The following SGO2 variants were observed in gnomAD, a reference collection of about 807,000 sequenced individuals.
SGO2 encodes shugoshin 2, also known as shugoshin-like 2.
A neutral mutation model predicts 99.5 loss-of-function variants in SGO2; 68 were observed. That is an observed-to-expected ratio of 0.68 (90% CI 0.56 to 0.84). The LOEUF (loss-of-function observed/expected upper bound fraction) is 0.84, where lower values mean the gene tolerates loss of function less well. SGO2 is among the 40% of genes least tolerant of loss of function. The pLI is 0.00. For synonymous variants in SGO2, 457 were observed against 487.1 expected, an observed-to-expected ratio of 0.94 and a Z score of 0.81; for missense variants, 1,350 against 1,436.7, an observed-to-expected ratio of 0.94 and a Z score of 0.97.
At chr2:200,563,949 T>G (rs1283272816) in intron 5 of SGO2, among the ~76,000 whole-genome samples, 1 of 152,216 alleles carries the variant, frequency 6.6e-6, no homozygotes. Flanking sequence ...TCTTCTCTCT[T>G]TTCTTCTTTA....
intron 5 of SGO2, among the ~76,000 whole-genome samples, chr2:200,546,506 A>G (rs2106319176): frequency 6.6e-6 from 1 of 152,264 alleles, no homozygotes; most frequent in East Asian, 1.9e-4. Context: ...ACAAGGAGCC[A>G]TGAGCTTCCC....
At chr2:200,552,534 A>T (rs2032536547) in intron 5 of SGO2, among the ~76,000 whole-genome samples, 1 of 152,116 alleles carries the variant, frequency 6.6e-6, no homozygotes, top group African/African-American at 2.4e-5. Flanking sequence ...ATTATTCATG[A>T]GTTTTCTAGG....
intron 4 of SGO2, among the ~76,000 whole-genome samples, chr2:200,541,263 T>G (rs528665904): frequency 9.2e-5 from 14 of 152,242 alleles, no homozygotes; most frequent in Non-Finnish European, 1.8e-4. Flanking sequence ...CAGAGCCATA[T>G]CTCCCCTGTC....
chr2:200,575,355 A>G lies in SGO2; in HGVS notation c.3676A>G (p.Asn1226Asp), dbSNP rs889990675. 5 of 1,607,966 alleles carry G rather than the reference A, an allele frequency of 3.1e-6. No individual in the cohort carries two copies. The highest frequency in any genetic ancestry group is 1.7e-5 in the Admixed American group (1 of 59,764). Residue 1226 changes from asparagine to aspartate, a missense_variant, in exon 8 of 9, where the codon AAT becomes GAT. Physicochemically the swap from Asn to Asp is conservative, Grantham distance 23. Transcript: ENST00000357799. ...QDLSNTSFVS[N>D]NTAESENKSE... Reference sequence around the variant, plus strand: ...CTTGTCAAATACCAGTTTTGTTTCAAATAACACTGCTGAATCTGAAAATAA... The same window carrying G: ...CTTGTCAAATACCAGTTTTGTTTCAGATAACACTGCTGAATCTGAAAATAA...
intron 5 of SGO2, among the ~76,000 whole-genome samples, chr2:200,548,391 A>C (rs1198651468): frequency 2.0e-5 from 3 of 152,182 alleles, no homozygotes; most frequent in Non-Finnish European, 2.9e-5. Context: ...AGAAGCAAGT[A>C]AGAAGGAAAT....
In SGO2 at chr2:200,571,115, T is replaced by G; in HGVS notation, c.769T>G (p.Ser257Ala). The stretch of plus-strand genomic sequence containing the variant: ...AATGAGTGAGATGAGAAACGCCCAG[T>G]CTATTGGCCGCAGATGGGAGAAACC... The part of the protein sequence containing the change: ...SLMSEMRNAQ[S>A]IGRRWEKPSP... Residue 257 changes from serine to alanine, a missense_variant, in exon 7 of 9, where the codon TCT (serine) becomes GCT (alanine). Coordinates refer to ENST00000357799, the MANE Select transcript of SGO2 (RefSeq NM_152524.6). The G allele has an allele frequency of 1.2e-6, 2 of 1,613,316 alleles. No homozygotes were observed. Among genetic ancestry groups the G allele is most frequent in the Non-Finnish European group, 1.7e-6 (2 of 1,179,538 alleles).
rs551063565 is a variant in SGO2, at chr2:200,541,276, G to A, written c.388-1303G>A. Among the ~76,000 whole-genome samples the A allele has an allele frequency of 2.6e-5, 4 of 152,250 alleles. No individual in the cohort carries two copies. The South Asian group carries it at 8.3e-4, about 32-fold the overall frequency. On this transcript the variant is annotated intron_variant, in intron 4 of 8. Coordinates refer to ENST00000357799, the MANE Select transcript of SGO2 (RefSeq NM_152524.6). ...TCCAGAGCCATATCTCCCCTGTCTG[G>A]CCTTTATATCTCAGGAGGCAATGGT...
chr2:200,530,129 T>C (rs541895563), intron 1 of SGO2, among the ~76,000 whole-genome samples: 8 of 152,034 alleles, frequency 5.3e-5, no homozygotes, highest in African/African-American at 1.9e-4. Flanking sequence ...TGGAGAGAAG[T>C]GGGAACCATG....
chr2:200,571,926 C>T lies in SGO2; in HGVS notation c.1580C>T (p.Thr527Ile), dbSNP rs2106344251. Residue 527 changes from threonine to isoleucine, a missense_variant, in exon 7 of 9, where the codon ACT (threonine) becomes ATT (isoleucine). Thr to Ile is a moderately conservative substitution (Grantham distance 89). Coordinates refer to ENST00000357799, the MANE Select transcript of SGO2 (RefSeq NM_152524.6). Reference sequence around the variant, plus strand: ...TTTGATAAGGGTCAGAATTCCCTAACTTGTAATAAAAGTAAAGCTTCTAGA... The same window carrying T: ...TTTGATAAGGGTCAGAATTCCCTAATTTGTAATAAAAGTAAAGCTTCTAGA... Reference protein sequence around the residue: ...SKFDKGQNSLTCNKSKASRQT... With the variant: ...SKFDKGQNSLICNKSKASRQT... 6.2e-7 allele frequency: 1 copy of T among 1,612,658 alleles called. No individual in the cohort carries two copies. Among genetic ancestry groups the T allele is most frequent in the Non-Finnish European group, 8.5e-7 (1 of 1,179,430 alleles).
At chr2:200,580,305 TTG>T (rs1223818001) in intron 8 of SGO2, among the ~76,000 whole-genome samples, 3 of 152,168 alleles carry the variant, frequency 2.0e-5, no homozygotes, top group Non-Finnish European at 4.4e-5. Context: ...TTATTATTTT[TTG>T]TGTTTGTTCT....
At position 200,569,655 on chromosome 2, in the gene SGO2, G is replaced by A. The variant is rs1196145719; in HGVS notation, c.474-8G>A. 1.3e-6 allele frequency: 2 copies of A among 1,581,810 alleles called. No homozygotes were observed. The highest frequency in any genetic ancestry group is 4.5e-5 in the East Asian group (2 of 44,322). On this transcript the variant is annotated splice_region_variant and splice_polypyrimidine_tract_variant and intron_variant, in intron 5 of 8. Coordinates refer to ENST00000357799, the MANE Select transcript of SGO2 (RefSeq NM_152524.6). ...ATAATTTCTCATTTCCTTCCCACTT[G>A]CCTTTAGGGTTCCATTAACTTCAAA...
rs1336392344 is a variant in SGO2, at chr2:200,535,058, A to G, written c.196A>G (p.Ser66Gly). The change falls in exon 3 of 9, where the codon AGT (serine) becomes GGT (glycine). Residue 66 changes from serine (S) to glycine (G), a missense_variant. By Grantham distance (56) the Ser-to-Gly change is moderately conservative. Coordinates refer to ENST00000357799, the MANE Select transcript of SGO2 (RefSeq NM_152524.6). ...HNNRALAQAL[S>G]REKENSRRIT... ...CAACAGGGCATTAGCTCAGGCTCTT[A>G]GTAGAGAAAAAGAGAATTCTCGAAG... 1 of 1,563,532 alleles carries G rather than the reference A, an allele frequency of 6.4e-7. No homozygotes were observed. The highest frequency in any genetic ancestry group is 8.6e-7 in the Non-Finnish European group (1 of 1,164,098).
At chr2:200,542,764 G>A (rs2032023655) in intron 5 of SGO2, 100 bp downstream of exon 5, 2 of 975,812 alleles carry the variant, frequency 2.0e-6, no homozygotes, top group Non-Finnish European at 3.0e-6. Flanking sequence ...TCATCAACCT[G>A]TAGTTATCTA....
In SGO2 at chr2:200,542,672, T is replaced by C. The variant is rs777147786; in HGVS notation, c.473+8T>C. 6.2e-7 allele frequency: 1 copy of C among 1,608,166 alleles called. No individual in the cohort carries two copies. Among genetic ancestry groups the C allele is most frequent in the East Asian group, 2.2e-5 (1 of 44,674 alleles). On this transcript the variant is annotated splice_region_variant and intron_variant, in intron 5 of 8. Transcript: ENST00000357799. ...GCGTCTTCCATTTGCAAGGTAAATA[T>C]GGGCTTGAATTACACTAGTTCAGAG... is the stretch of plus-strand genomic sequence containing the variant.
chr2:200,583,576 T>G lies in SGO2; in HGVS notation c.*112T>G, dbSNP rs1172787976. ...AATGAAAAGGTTTTTTTTTTGTTTCTTTGGCCTTTCATGGAGTGTTGATTT... is the reference window on the plus strand; with the variant it reads ...AATGAAAAGGTTTTTTTTTTGTTTCGTTGGCCTTTCATGGAGTGTTGATTT... On this transcript the variant is annotated 3_prime_UTR_variant, in exon 9 of 9. Transcript: ENST00000357799. 2 of 961,750 alleles carry G rather than the reference T, an allele frequency of 2.1e-6. No individual in the cohort carries two copies. Among genetic ancestry groups the G allele is most frequent in the East Asian group, 2.6e-5 (1 of 38,444 alleles). 59.6% of individuals were successfully genotyped at this position (961,750 alleles called of 1,614,324 possible). A position where few individuals can be genotyped will look rare whatever the true frequency, so the allele number is the denominator to read the frequency against.
intron 5 of SGO2, among the ~76,000 whole-genome samples, chr2:200,544,823 G>A (rs755962067): frequency 1.1e-4 from 16 of 151,986 alleles, no homozygotes; most frequent in Admixed American, 2.6e-4. Flanking sequence ...GATTCCTGTT[G>A]TTCTGTATCC....
chr2:200,544,533 C>T (rs918089702), intron 5 of SGO2, among the ~76,000 whole-genome samples: 39 of 152,288 alleles, frequency 2.6e-4, no homozygotes, highest in Admixed American at 2.6e-4. Flanking sequence ...CCTCCCACCT[C>T]GGCCTCTGAA....
Position 200,570,567 on chromosome 2 carries a change from G to GGTATACATATAATGTATACA in SGO2, c.704-471_704-452dup, listed in dbSNP as rs1241874749. ...CACACATATATACACACATATATATGGTATACATATAATGTATACAGTATA... is the reference window on the plus strand; with the variant it reads ...CACACATATATACACACATATATATGGTATACATATAATGTATACAGTATACATATAATGTATACAGTATA... On this transcript the variant is annotated intron_variant, in intron 6 of 8. Transcript: ENST00000357799. The surrounding 1 kb of genome is among the most constrained non-coding windows in gnomAD (Gnocchi z 4.4). Among the ~76,000 whole-genome samples the GGTATACATATAATGTATACA allele has an allele frequency of 2.8e-5, 4 of 143,802 alleles. No homozygotes were observed. Among genetic ancestry groups the GGTATACATATAATGTATACA allele is most frequent in the East Asian group, 2.0e-4 (1 of 4,888 alleles). 94.3% of individuals were successfully genotyped at this position (143,802 alleles called of 152,430 possible). A position where few individuals can be genotyped will look rare whatever the true frequency, so the allele number is the denominator to read the frequency against.
Position 200,565,708 on chromosome 2 carries a change from G to A in SGO2, c.474-3955G>A, listed in dbSNP as rs975043735. The stretch of plus-strand genomic sequence containing the variant: ...TCACTTTCAGGTACACCAGTCAGAC[G>A]TAGATTTGGTCTTTTCACATAGTCC... On this transcript the variant is annotated intron_variant, in intron 5 of 8. Coordinates refer to ENST00000357799, the MANE Select transcript of SGO2 (RefSeq NM_152524.6). Among the ~76,000 whole-genome samples, 32 of 152,262 alleles carry A rather than the reference G, an allele frequency of 2.1e-4. No homozygotes were observed. The South Asian group carries it at 4.6e-3, about 22-fold the overall frequency.
Sources: allele counts gnomAD v4.1 joint callset (sites outside exome capture counted in the v4.1 genomes callset), GRCh38; gene constraint gnomAD v4.1.1; non-coding constraint Gnocchi (gnomAD v3.1); transcripts MANE v1.5; gene names NCBI Gene and HGNC (gene_info 2026-07-23, HGNC 2026-07-21).